Variants in ANKIB1 observed in about 807,000 individuals in gnomAD.
The protein encoded by ANKIB1 is ankyrin repeat and IBR domain containing 1.
Under a neutral mutation model 122.1 loss-of-function variants are expected in ANKIB1, and 43 were observed. The ratio of observed to expected loss-of-function variants is 0.35; its 90% CI spans 0.28 to 0.45. ANKIB1 has a LOEUF of 0.45. Ranked by LOEUF, ANKIB1 falls within the 20% of genes least tolerant of loss-of-function variation. The probability of loss-of-function intolerance (pLI) is 1.00; values close to 1 mark genes in which losing one functional copy is unlikely to be tolerated. For missense variants in ANKIB1, 992 were observed against 1,329.5 expected (o/e 0.75, Z 3.95); for synonymous variants, 390 against 442.0 (o/e 0.88, Z 1.48).
intron 5 of ANKIB1, among the ~76,000 whole-genome samples, chr7:92,332,591 A>G (rs1396416472): frequency 3.3e-5 from 5 of 152,204 alleles, no homozygotes; most frequent in Non-Finnish European, 7.3e-5. Context: ...ATATTACCTA[A>G]TGAAAAAATG....
intron 2 of ANKIB1, among the ~76,000 whole-genome samples, chr7:92,299,971 A>AT (rs993756224): frequency 1.8e-4 from 28 of 151,388 alleles, no homozygotes; most frequent in Middle Eastern, 3.4e-3. Flanking sequence ...TGTCTGGCCA[A>AT]TTTTTTTTTA....
In ANKIB1 at chr7:92,327,873, A is replaced by G; in HGVS notation, c.760A>G (p.Thr254Ala). The change falls in exon 5 of 20, where the codon ACT becomes GCT. Residue 254 changes from threonine (T) to alanine (A), a missense_variant. This residue lies in a region of ANKIB1 where 521 missense variants were observed against 777.7 expected (regional missense o/e 0.67). Transcript: ENST00000265742. ...TADMLQAPLF[T>A]AEALLRAHDW... Reference sequence around the variant, plus strand: ...AGACATGCTTCAGGCTCCTCTCTTTACTGCTGAAGCTTTACTTCGAGCTCA... The same window carrying G: ...AGACATGCTTCAGGCTCCTCTCTTTGCTGCTGAAGCTTTACTTCGAGCTCA... 6.3e-7 allele frequency: 1 copy of G among 1,591,546 alleles called. No homozygotes were observed. Among genetic ancestry groups the G allele is most frequent in the East Asian group, 2.3e-5 (1 of 43,816 alleles).
intron 1 of ANKIB1, among the ~76,000 whole-genome samples, chr7:92,246,776 T>C (rs187262891): frequency 9.7e-4 from 147 of 152,310 alleles, no homozygotes; most frequent in African/African-American, 3.4e-3. Flanking sequence ...TGGATGCATC[T>C]CCTTGTCCCT....
At chr7:92,362,400 T>A in intron 10 of ANKIB1, 127 bp downstream of exon 10, 1 of 794,872 alleles carries the variant, frequency 1.3e-6, no homozygotes, top group South Asian at 1.7e-5. Context: ...CTCTCCTGTT[T>A]AACATCACAA....
chr7:92,330,391 C>G (rs952240135), intron 5 of ANKIB1, among the ~76,000 whole-genome samples: 4 of 151,788 alleles, frequency 2.6e-5, no homozygotes, highest in African/African-American at 9.7e-5. Context: ...AGATAATAAG[C>G]CAAAAATGTT....
intron 11 of ANKIB1, among the ~76,000 whole-genome samples, chr7:92,376,458 T>TTA (rs1554348101): frequency 1.3e-4 from 19 of 150,868 alleles, no homozygotes; most frequent in Admixed American, 7.2e-4. Flanking sequence ...TTTTATTTTT[T>TTA]TTTTTTTTGA....
At chr7:92,362,308 T>G (rs745534802) in intron 10 of ANKIB1, 35 bp downstream of exon 10, 1 of 1,529,396 alleles carries the variant, frequency 6.5e-7, no homozygotes. Context: ...GCTGCATATT[T>G]CCTGATAGCA....
intron 1 of ANKIB1, among the ~76,000 whole-genome samples, chr7:92,266,783 T>C (rs553691268): frequency 6.6e-6 from 1 of 152,312 alleles, no homozygotes; most frequent in South Asian, 2.1e-4. Context: ...TGATTCACTA[T>C]TAGCATCCAC....
At chr7:92,351,720 G>GTT (rs1018424517) in intron 8 of ANKIB1, among the ~76,000 whole-genome samples, 83 of 116,620 alleles carry the variant, frequency 7.1e-4, no homozygotes, top group Non-Finnish European at 8.8e-4. Flanking sequence ...TTTTTTTTTT[G>GTT]TTTTTTTTTT....
intron 10 of ANKIB1, among the ~76,000 whole-genome samples, chr7:92,365,712 G>A (rs1804057852): frequency 6.6e-6 from 1 of 151,018 alleles, no homozygotes; most frequent in African/African-American, 2.4e-5. Flanking sequence ...CCAGGTGAGA[G>A]GATATGAAGG....
intron 8 of ANKIB1, 84 bp downstream of exon 8, chr7:92,351,178 T>G: frequency 8.2e-7 from 1 of 1,215,040 alleles, no homozygotes. Flanking sequence ...TCTTTTTGTT[T>G]TATTTTTGAA....
At chr7:92,392,412 G>A in intron 17 of ANKIB1, 120 bp downstream of exon 17, 1 of 839,148 alleles carries the variant, frequency 1.2e-6, no homozygotes, top group Non-Finnish European at 1.8e-6. Flanking sequence ...TCTTTCTTTT[G>A]TAACAAAAAT....
intron 3 of ANKIB1, among the ~76,000 whole-genome samples, chr7:92,312,791 A>G (rs926462622): frequency 3.3e-5 from 5 of 152,210 alleles, no homozygotes; most frequent in Non-Finnish European, 5.9e-5. Flanking sequence ...AAAAAGTACT[A>G]TGTAATGGAT....
intron 9 of ANKIB1, among the ~76,000 whole-genome samples, chr7:92,360,615 CAT>C (rs1327130893): frequency 6.6e-6 from 1 of 152,154 alleles, no homozygotes; most frequent in Non-Finnish European, 1.5e-5. Context: ...ATTGCTGAAT[CAT>C]ATGGTAATTC....
chr7:92,334,242 G>T (rs548516531), intron 5 of ANKIB1, among the ~76,000 whole-genome samples: 2 of 152,042 alleles, frequency 1.3e-5, no homozygotes, highest in Non-Finnish European at 2.9e-5. Flanking sequence ...ATCAAAATGG[G>T]TATAATTATC....
intron 2 of ANKIB1, among the ~76,000 whole-genome samples, chr7:92,305,112 A>G (rs1802532375): frequency 6.6e-6 from 1 of 152,200 alleles, no homozygotes; most frequent in Admixed American, 6.5e-5. Context: ...GTTCAAAGTA[A>G]CACTGTATTG....
intron 14 of ANKIB1, among the ~76,000 whole-genome samples, chr7:92,388,761 C>G (rs1804723255): frequency 6.6e-6 from 1 of 152,126 alleles, no homozygotes. Flanking sequence ...TCCAGTTTAT[C>G]AAAATAATGA....
chr7:92,266,616 C>G (rs1801676162), intron 1 of ANKIB1, among the ~76,000 whole-genome samples: 1 of 152,110 alleles, frequency 6.6e-6, no homozygotes, highest in African/African-American at 2.4e-5. Flanking sequence ...GCTCCACCAG[C>G]GGAACTCACT....
chr7:92,302,866 T>G (rs1802484894), intron 2 of ANKIB1, among the ~76,000 whole-genome samples: 1 of 152,190 alleles, frequency 6.6e-6, no homozygotes, highest in South Asian at 2.1e-4. Flanking sequence ...GGCAGGGACT[T>G]TATCTGTTTT....
Sources: gnomAD v4.1 joint callset for allele counts (sites outside exome capture counted in the v4.1 genomes callset) on GRCh38, gnomAD v4.1.1 for gene constraint, gnomAD v4.1.1 regional missense constraint, MANE v1.5 for transcripts, NCBI Gene and HGNC (gene_info 2026-07-23, HGNC 2026-07-21) for gene names.